Variants in TP53BP2 observed in about 807,000 individuals in gnomAD.
TP53BP2 encodes the protein apoptosis-stimulating of p53 protein 2.
In TP53BP2, 62 loss-of-function variants were observed where a neutral mutation model predicts 126.2. That is an observed-to-expected ratio of 0.49 (90% CI 0.40 to 0.61). TP53BP2 has a LOEUF of 0.61. Ranked by LOEUF, TP53BP2 falls within the 20% of genes least tolerant of loss-of-function variation. The pLI is 0.00. For synonymous variants in TP53BP2, 485 were observed against 502.9 expected, an observed-to-expected ratio of 0.96 and a Z score of 0.48; for missense variants, 1,215 against 1,402.8, an observed-to-expected ratio of 0.87 and a Z score of 2.14.
intron 4 of TP53BP2, among the ~76,000 whole-genome samples, chr1:223,807,821 G>T (rs1374596514): frequency 6.6e-6 from 1 of 152,132 alleles, no homozygotes; most frequent in African/African-American, 2.4e-5. Flanking sequence ...GTTACACCAT[G>T]TTCATGAATT....
chr1:223,802,026 A>G, intron 9 of TP53BP2, 90 bp downstream of exon 9: 1 of 1,248,884 alleles, frequency 8.0e-7, no homozygotes, highest in Non-Finnish European at 1.1e-6. Context: ...AAACATGAAT[A>G]ATGAATACAA....
rs1230635293 is a variant in TP53BP2, at chr1:223,780,757, T to C, written c.*96A>G. On this transcript the variant is annotated 3_prime_UTR_variant, in exon 18 of 18. Transcript: ENST00000343537. ...CATCGCTTTCAAGCTACATTGTCAT[T>C]AAAATAAGTCTTGTGAAATTTTTGC... 4.2e-6 allele frequency: 5 copies of C among 1,195,320 alleles called. No homozygotes were observed. The highest frequency in any genetic ancestry group is 5.5e-4 in the Middle Eastern group (2 of 3,624). The allele number at this position is 1,195,320 out of a possible 1,614,324, so 74.0% of individuals were successfully genotyped here. A position where few individuals can be genotyped will look rare whatever the true frequency, so the allele number is the denominator to read the frequency against.
At chr1:223,795,392 T>A (rs759065541) in intron 13 of TP53BP2, among the ~76,000 whole-genome samples, 1 of 152,246 alleles carries the variant, frequency 6.6e-6, no homozygotes, top group African/African-American at 2.4e-5. Context: ...TTTCATTTTT[T>A]AAAATTTCAC....
rs1291884390 is a variant in TP53BP2 at position 223,822,320 on chromosome 1, C to T, written c.28-953G>A. ...GAAATGAGTAGCTGTTATGTTAACACCTACCTGACCTTGTATATAAACACT... is the reference window on the plus strand; with the variant it reads ...GAAATGAGTAGCTGTTATGTTAACATCTACCTGACCTTGTATATAAACACT... On this transcript the variant is annotated intron_variant, in intron 1 of 17. Coordinates refer to ENST00000343537, the MANE Select transcript of TP53BP2 (RefSeq NM_001031685.3). Among the ~76,000 whole-genome samples the T allele has an allele frequency of 2.6e-5, 4 of 152,098 alleles. No homozygotes were observed. In the East Asian group the frequency reaches 7.7e-4, roughly 29 times the overall value.
intron 1 of TP53BP2, among the ~76,000 whole-genome samples, chr1:223,824,311 T>C (rs1663416127): frequency 6.6e-6 from 1 of 152,218 alleles, no homozygotes; most frequent in African/African-American, 2.4e-5. Context: ...GACAGATGTG[T>C]TCTATTTATG....
chr1:223,813,999 A>C (rs751243609), intron 3 of TP53BP2, among the ~76,000 whole-genome samples: 5 of 152,082 alleles, frequency 3.3e-5, no homozygotes, highest in Non-Finnish European at 7.4e-5. Flanking sequence ...CTAATCAGGG[A>C]CCCTGCCTAA....
chr1:223,841,953 G>A (rs1414493790), intron 1 of TP53BP2, among the ~76,000 whole-genome samples: 2 of 149,806 alleles, frequency 1.3e-5, no homozygotes, highest in Non-Finnish European at 3.0e-5. Context: ...TGTCCCCCAG[G>A]CTAGAATGCA....
Position 223,789,155 on chromosome 1 carries a change from C to G in TP53BP2, c.3016G>C (p.Ala1006Pro), listed in dbSNP as rs952731064. ...CACACTTGGACGTTGTTACATGAGG[C>G]AGCACAATGTAATGGAGTCCTGTGA... ...SDGWTPLHCA[A>P]SCNNVQVCKF... The change falls in exon 16 of 18, where the codon GCC becomes CCC. Residue 1006 changes from alanine to proline, a missense_variant. Physicochemically the swap from Ala to Pro is conservative, Grantham distance 27 (BLOSUM62 -1). Coordinates refer to ENST00000343537, the MANE Select transcript of TP53BP2 (RefSeq NM_001031685.3). 1 of 1,614,164 alleles carries G rather than the reference C, an allele frequency of 6.2e-7. No homozygotes were observed. Among genetic ancestry groups the G allele is most frequent in the Non-Finnish European group, 8.5e-7 (1 of 1,180,012 alleles).
chr1:223,784,245 T>C lies in TP53BP2; in HGVS notation c.3233A>G (p.Asn1078Ser), dbSNP rs767759505. The C allele has an allele frequency of 1.4e-5, 22 of 1,614,076 alleles. No individual in the cohort carries two copies. Among genetic ancestry groups the C allele is most frequent in the Non-Finnish European group, 1.8e-5 (21 of 1,180,032 alleles). The stretch of plus-strand genomic sequence containing the variant: ...TTCTTTCATGGGCAGCTCATCATCA[T>C]TCTGAGGTTCATAATCCCAAAGCGC... Reference protein sequence around the residue: ...IYALWDYEPQNDDELPMKEGD... With the variant: ...IYALWDYEPQSDDELPMKEGD... The change falls in exon 17 of 18, where the codon AAT becomes AGT. Residue 1078 changes from asparagine (N) to serine (S), a missense_variant. This residue lies in a region of TP53BP2 where 151 missense variants were observed against 231.2 expected (regional missense o/e 0.65). Transcript: ENST00000343537.
intron 16 of TP53BP2, among the ~76,000 whole-genome samples, chr1:223,787,439 G>A (rs946932013): frequency 4.0e-5 from 6 of 151,468 alleles, no homozygotes; most frequent in Non-Finnish European, 8.8e-5. Flanking sequence ...AATATTCTAT[G>A]GTCCAGAGTT....
At chr1:223,803,111 A>G (rs1662585304) in intron 7 of TP53BP2, 160 bp downstream of exon 7, 1 of 1,003,370 alleles carries the variant, frequency 1.0e-6, no homozygotes, top group East Asian at 2.4e-5. Context: ...CTAGGGTACT[A>G]TAAAGTTTAC....
rs551080868 is a variant in TP53BP2 at position 223,782,859 on chromosome 1, T to G, written c.3363+1256A>C. Among the ~76,000 whole-genome samples, 347 of 152,338 alleles carry G rather than the reference T, an allele frequency of 2.3e-3. 17 individuals are homozygous for G. The South Asian group carries it at 0.069, about 30-fold the overall frequency. On this transcript the variant is annotated intron_variant, in intron 17 of 17. Coordinates refer to ENST00000343537, the MANE Select transcript of TP53BP2 (RefSeq NM_001031685.3). ...CACCCAAATGAATACTGTCTAATCA[T>G]CTATTCAAAACTTATTATGAAATGG...
intron 1 of TP53BP2, among the ~76,000 whole-genome samples, chr1:223,833,343 T>C (rs939860103): frequency 6.6e-6 from 1 of 152,238 alleles, no homozygotes; most frequent in African/African-American, 2.4e-5. Flanking sequence ...TCATAAACTA[T>C]TCCTTTGCTC....
intron 16 of TP53BP2, among the ~76,000 whole-genome samples, chr1:223,786,611 T>TGTGTGTGTA (rs1491259336): frequency 6.7e-6 from 1 of 149,348 alleles, no homozygotes; most frequent in African/African-American, 2.5e-5. Context: ...TGTGTGTATA[T>TGTGTGTGTA]TTTTTTTTCC....
intron 1 of TP53BP2, among the ~76,000 whole-genome samples, chr1:223,843,020 C>T (rs1664153936): frequency 6.6e-6 from 1 of 152,190 alleles, no homozygotes; most frequent in Non-Finnish European, 1.5e-5. Context: ...ATTATCTCTA[C>T]TGTGATTTGC....
At chr1:223,815,704 CTCATGTGCCAGCCACACCTACGG>C (rs1242753505) in intron 2 of TP53BP2, among the ~76,000 whole-genome samples, 6 of 152,254 alleles carry the variant, frequency 3.9e-5, no homozygotes, top group African/African-American at 1.4e-4. Context: ...CCTACTAACA[CTCATGTGCCAGCCACACCTACGG>C]TCATGCACTG....
rs547769463 is a variant in TP53BP2 at position 223,821,848 on chromosome 1, C to T, written c.28-481G>A. Among the ~76,000 whole-genome samples, 5 of 152,088 alleles carry T rather than the reference C, an allele frequency of 3.3e-5. No homozygotes were observed. In the East Asian group the frequency reaches 7.7e-4, roughly 24 times the overall value. On this transcript the variant is annotated intron_variant, in intron 1 of 17. Coordinates refer to ENST00000343537, the MANE Select transcript of TP53BP2 (RefSeq NM_001031685.3). ...AGCTTGTGGGGCAGCTCTGTATAAACCTAATCTTTATATAATGTACATATA... is the reference window on the plus strand; with the variant it reads ...AGCTTGTGGGGCAGCTCTGTATAAATCTAATCTTTATATAATGTACATATA...
intron 2 of TP53BP2, among the ~76,000 whole-genome samples, chr1:223,819,307 C>T (rs1003026893): frequency 8.6e-5 from 13 of 151,982 alleles, no homozygotes; most frequent in African/African-American, 3.1e-4. Flanking sequence ...GAACAGAGTA[C>T]AGCCCTGGCA....
At chr1:223,785,185 T>A (rs989986873) in intron 16 of TP53BP2, among the ~76,000 whole-genome samples, 1 of 152,242 alleles carries the variant, frequency 6.6e-6, no homozygotes, top group Non-Finnish European at 1.5e-5. Context: ...TATAATTTTT[T>A]AAAAACCAGG....
Sources: gnomAD v4.1 joint callset for allele counts (sites outside exome capture counted in the v4.1 genomes callset) on GRCh38, gnomAD v4.1.1 for gene constraint, gnomAD v4.1.1 regional missense constraint, MANE v1.5 for transcripts, NCBI Gene and HGNC (gene_info 2026-07-23, HGNC 2026-07-21) for gene names.